The following RGS6 variants were observed in gnomAD, a reference collection of about 807,000 sequenced individuals.
RGS6 encodes the protein regulator of G protein signaling 6.
Under a neutral mutation model 78.5 loss-of-function variants are expected in RGS6, and 30 were observed. That is an observed-to-expected ratio of 0.38 (90% confidence interval 0.29 to 0.52). The LOEUF (loss-of-function observed/expected upper bound fraction) is 0.52. RGS6 is among the 20% of genes least tolerant of loss of function. RGS6 has a pLI of 0.85. For missense variants in RGS6, 495 were observed against 609.7 expected (o/e 0.81, Z 1.98); for synonymous variants, 206 against 206.0 (o/e 1.00, Z 0.00).
chr14:72,195,920 G>C (rs1435281345), intron 2 of RGS6, among the ~76,000 whole-genome samples: 11 of 152,206 alleles, frequency 7.2e-5, no homozygotes, highest in Non-Finnish European at 1.6e-4. Context: ...ACAAGATTTT[G>C]AACTTAAATT....
intron 2 of RGS6, among the ~76,000 whole-genome samples, chr14:72,244,874 G>A (rs1391737381): frequency 6.6e-6 from 1 of 151,246 alleles, no homozygotes; most frequent in Non-Finnish European, 1.5e-5. Flanking sequence ...GCCTAGGCTG[G>A]AGTGCAATGG....
At position 72,255,787 on chromosome 14, in the gene RGS6, A is replaced by G. The variant is rs185679601; in HGVS notation, c.85-96308A>G. 3.1e-3 allele frequency among the ~76,000 whole-genome samples: 469 copies of G among 152,308 alleles called. 1 individual carries two copies. Among genetic ancestry groups the G allele is most frequent in the African/African-American group, 0.011 (451 of 41,568 alleles). ...GCTTATTTGGAAAACTTTTATTTGCATTTCACATTTTTTATCACTTCTTAC... is the reference window on the plus strand; with the variant it reads ...GCTTATTTGGAAAACTTTTATTTGCGTTTCACATTTTTTATCACTTCTTAC... On this transcript the variant is annotated intron_variant, in intron 2 of 17. Transcript: ENST00000553525.
At chr14:72,537,472 C>A (rs1354944673) in intron 16 of RGS6, 2 of 702,288 alleles carry the variant, frequency 2.8e-6, no homozygotes, top group Non-Finnish European at 5.2e-6. Context: ...TCTGGGGTAT[C>A]CCAGTTGTCA....
At chr14:72,556,972 C>T (rs1413870554) in intron 17 of RGS6, among the ~76,000 whole-genome samples, 2 of 152,138 alleles carry the variant, frequency 1.3e-5, no homozygotes, top group East Asian at 1.9e-4. Context: ...TAAGCCCCTG[C>T]GAGAGTTGAG....
At chr14:72,003,081 TTC>T (rs1483698688) in intron 2 of RGS6, among the ~76,000 whole-genome samples, 1 of 152,224 alleles carries the variant, frequency 6.6e-6, no homozygotes, top group Non-Finnish European at 1.5e-5. Context: ...AGTATTTTGT[TTC>T]TATATTTTGG....
chr14:72,539,256 C>G lies in RGS6; in HGVS notation c.1369-785C>G, dbSNP rs567307186. 1.9e-4 allele frequency among the ~76,000 whole-genome samples: 29 copies of G among 152,242 alleles called. No homozygotes were observed. The East Asian group carries it at 5.2e-3, about 27-fold the overall frequency. ...GTTCTGGGAACCCCAGCTAAGAGTTCCCCACAATGGTTTCTGAGCTTCCTC... is the reference window on the plus strand; with the variant it reads ...GTTCTGGGAACCCCAGCTAAGAGTTGCCCACAATGGTTTCTGAGCTTCCTC... On this transcript the variant is annotated intron_variant, in intron 16 of 17. Transcript: ENST00000553525.
intron 2 of RGS6, among the ~76,000 whole-genome samples, chr14:72,047,865 A>G (rs1335136321): frequency 1.4e-5 from 2 of 146,826 alleles, no homozygotes; most frequent in South Asian, 4.3e-4. Context: ...AGCTGGGATT[A>G]CAGGCATGTG....
downstream of RGS6, among the ~76,000 whole-genome samples, chr14:72,567,745 C>G (rs2097715282): frequency 6.6e-6 from 1 of 152,200 alleles, no homozygotes; most frequent in African/African-American, 2.4e-5. Flanking sequence ...TGGCAACCTC[C>G]AAACCCAAGT....
intron 3 of RGS6, among the ~76,000 whole-genome samples, chr14:72,415,396 G>T (rs1353526258): frequency 6.6e-6 from 1 of 152,264 alleles, no homozygotes; most frequent in Non-Finnish European, 1.5e-5. Context: ...GAAAAGGGCA[G>T]TATTAGGGTG....
intron 2 of RGS6, among the ~76,000 whole-genome samples, chr14:72,192,754 T>A (rs1412804927): frequency 6.6e-6 from 1 of 152,208 alleles, no homozygotes; most frequent in Non-Finnish European, 1.5e-5. Flanking sequence ...TTTCTTTCTT[T>A]CGTTCACTGT....
chr14:72,436,365 AC>A (rs749349953), intron 3 of RGS6, among the ~76,000 whole-genome samples: 1 of 152,152 alleles, frequency 6.6e-6, no homozygotes, highest in Non-Finnish European at 1.5e-5. Flanking sequence ...CTCTCAGCCT[AC>A]TACCCTGCCT....
intron 3 of RGS6, among the ~76,000 whole-genome samples, chr14:72,411,159 G>T (rs979985990): frequency 2.0e-5 from 3 of 152,150 alleles, no homozygotes; most frequent in Non-Finnish European, 2.9e-5. Context: ...ATCACCTTGG[G>T]CGGTATGGCC....
chr14:72,315,702 T>G (rs1416650921), intron 2 of RGS6, among the ~76,000 whole-genome samples: 1 of 152,208 alleles, frequency 6.6e-6, no homozygotes, highest in African/African-American at 2.4e-5. Flanking sequence ...CATAGATCAT[T>G]ACATTCTCGC....
At chr14:72,005,447 A>ATCTATCTATCTATCTG (rs1374748408) in intron 2 of RGS6, among the ~76,000 whole-genome samples, 2 of 147,012 alleles carry the variant, frequency 1.4e-5, no homozygotes, top group Non-Finnish European at 3.0e-5. Context: ...ATCTCTATCT[A>ATCTATCTATCTATCTG]TCTATCTATC....
chr14:72,025,652 G>C (rs890373225), intron 2 of RGS6, among the ~76,000 whole-genome samples: 1 of 152,042 alleles, frequency 6.6e-6, no homozygotes, highest in Non-Finnish European at 1.5e-5. Context: ...GAATATCTTT[G>C]AGCCCTTCAG....
At chr14:72,211,725 A>T (rs1440139458) in intron 2 of RGS6, among the ~76,000 whole-genome samples, 1 of 152,188 alleles carries the variant, frequency 6.6e-6, no homozygotes, top group Non-Finnish European at 1.5e-5. Context: ...CAACTGCAAA[A>T]TACCCTATTT....
chr14:72,581,867 T>A, the RGS6 span, among the ~76,000 whole-genome samples: 2 of 152,218 alleles, frequency 1.3e-5, no homozygotes, highest in African/African-American at 4.8e-5. Flanking sequence ...TACACAGGGC[T>A]GCATAATTAA....
intron 2 of RGS6, among the ~76,000 whole-genome samples, chr14:71,966,021 A>C (rs1009419754): frequency 2.0e-5 from 3 of 152,236 alleles, no homozygotes; most frequent in African/African-American, 7.2e-5. Context: ...TTAAAGGAAG[A>C]AAATGGCACA....
intron 16 of RGS6, among the ~76,000 whole-genome samples, chr14:72,538,263 A>G (rs916168471): frequency 5.3e-5 from 8 of 152,124 alleles, no homozygotes; most frequent in African/African-American, 1.9e-4. Flanking sequence ...GAGATTCACA[A>G]CCTCCGGCGG....
Sources: allele counts gnomAD v4.1 joint callset (sites outside exome capture counted in the v4.1 genomes callset), GRCh38; gene constraint gnomAD v4.1.1; transcripts MANE v1.5; gene names NCBI Gene and HGNC (gene_info 2026-07-23, HGNC 2026-07-21).